Variants in EPB41L4B observed in about 807,000 individuals in gnomAD.
The protein encoded by EPB41L4B is band 4.1-like protein 4B.
EPB41L4B carries 30 observed loss-of-function variants against 112.5 expected under a neutral mutation model. That is an observed-to-expected ratio of 0.27 (90% confidence interval 0.20 to 0.36). EPB41L4B has a LOEUF of 0.36. Ranked by LOEUF, EPB41L4B falls within the 10% of genes least tolerant of loss-of-function variation. The pLI is 1.00. For synonymous variants in EPB41L4B, 408 were observed against 439.7 expected, an observed-to-expected ratio of 0.93 and a Z score of 0.90; for missense variants, 1,024 against 1,133.3, an observed-to-expected ratio of 0.90 and a Z score of 1.38.
intron 15 of EPB41L4B, among the ~76,000 whole-genome samples, chr9:109,226,711 GAATA>G (rs1192341126): frequency 1.5e-5 from 2 of 130,844 alleles, no homozygotes; most frequent in East Asian, 2.2e-4. Context: ...TATATATGAA[GAATA>G]TATATATGAA....
At chr9:109,177,212 T>C (rs1367191585) in intron 24 of EPB41L4B, among the ~76,000 whole-genome samples, 1 of 152,154 alleles carries the variant, frequency 6.6e-6, no homozygotes. Flanking sequence ...CTGGGGTTTT[T>C]CATTACTGTA....
intron 1 of EPB41L4B, among the ~76,000 whole-genome samples, chr9:109,284,507 G>T (rs1366095517): frequency 6.6e-6 from 1 of 152,088 alleles, no homozygotes; most frequent in Admixed American, 6.5e-5. Flanking sequence ...TGAACTCCTG[G>T]GCTCAAAGGA....
chr9:109,222,121 A>T (rs976146508), intron 15 of EPB41L4B, among the ~76,000 whole-genome samples: 9 of 152,204 alleles, frequency 5.9e-5, no homozygotes, highest in Non-Finnish European at 1.3e-4. Context: ...AAAGATATAT[A>T]TGCAGGGAGT....
Position 109,226,513 on chromosome 9 carries a change from G to A in EPB41L4B, c.1410-9368C>T, listed in dbSNP as rs75322304. ...TCAGCCCTTGTATAACCAATTCCCT[G>A]AATTAAATTCCCTCTGTAAGAAATG... is the stretch of plus-strand genomic sequence containing the variant. On this transcript the variant is annotated intron_variant, in intron 15 of 25. Coordinates refer to ENST00000374566, the MANE Select transcript of EPB41L4B (RefSeq NM_019114.5). Among the ~76,000 whole-genome samples the A allele has an allele frequency of 2.5e-3, 371 of 150,952 alleles. 4 individuals are homozygous for A. The East Asian group carries it at 0.026, about 11-fold the overall frequency.
chr9:109,247,232 G>T (rs1002925242), intron 14 of EPB41L4B, among the ~76,000 whole-genome samples: 3 of 149,382 alleles, frequency 2.0e-5, no homozygotes, highest in Non-Finnish European at 3.0e-5. Context: ...CAAATAATTT[G>T]GGGAAACAAT....
At chr9:109,249,636 T>C (rs892464971) in intron 13 of EPB41L4B, among the ~76,000 whole-genome samples, 16 of 151,696 alleles carry the variant, frequency 1.1e-4, no homozygotes, top group Admixed American at 2.6e-4. Context: ...AGTAAAGAAA[T>C]TGGGGCTGTA....
At chr9:109,241,493 A>G (rs1834351564) in intron 15 of EPB41L4B, 1 of 1,399,702 alleles carries the variant, frequency 7.1e-7, no homozygotes, top group Non-Finnish European at 9.3e-7. Flanking sequence ...AAATTATGAC[A>G]AGCTATAGTG....
At chr9:109,207,703 G>A (rs1163801222) in intron 18 of EPB41L4B, among the ~76,000 whole-genome samples, 2 of 152,180 alleles carry the variant, frequency 1.3e-5, no homozygotes, top group East Asian at 3.8e-4. Context: ...TAACATTTGA[G>A]AACTGCTGCC....
At chr9:109,283,489 G>A (rs1183593066) in intron 1 of EPB41L4B, among the ~76,000 whole-genome samples, 1 of 152,178 alleles carries the variant, frequency 6.6e-6, no homozygotes, top group African/African-American at 2.4e-5. Flanking sequence ...CTGGAGGGAT[G>A]AGACGGCCTC....
intron 18 of EPB41L4B, among the ~76,000 whole-genome samples, chr9:109,203,941 T>C (rs1006590675): frequency 1.3e-5 from 2 of 152,208 alleles, no homozygotes; most frequent in African/African-American, 4.8e-5. Flanking sequence ...AGACAATCAT[T>C]CAGATGCAAT....
intron 14 of EPB41L4B, 58 bp downstream of exon 14, chr9:109,247,698 A>T (rs775676753): frequency 1.4e-5 from 18 of 1,245,370 alleles, no homozygotes; most frequent in South Asian, 6.3e-5. Context: ...ACCTTTTTTT[A>T]AATTTTATTT....
At chr9:109,287,675 C>A (rs779074694) in intron 1 of EPB41L4B, among the ~76,000 whole-genome samples, 3 of 152,076 alleles carry the variant, frequency 2.0e-5, no homozygotes, top group Non-Finnish European at 4.4e-5. Context: ...TTACTGTTAC[C>A]CCGGGTGGAT....
At position 109,194,315 on chromosome 9, in the gene EPB41L4B, T is replaced by C. The variant is rs1176141033; in HGVS notation, c.2128A>G (p.Thr710Ala). ...GACGGCAGCGGCACGGAGACTTGTG[T>C]GGCGGCCGTTGTGGTGTTTGTGGTT... ...STTTNTTTAA[T>A]QVSVPLPSPK... Residue 710 changes from threonine (T) to alanine (A), a missense_variant, in exon 21 of 26, where the codon ACA (threonine) becomes GCA (alanine). By Grantham distance (58) the Thr-to-Ala change is moderately conservative. Coordinates refer to ENST00000374566, the MANE Select transcript of EPB41L4B (RefSeq NM_019114.5). 6.2e-7 allele frequency: 1 copy of C among 1,614,180 alleles called. No individual in the cohort carries two copies. Among genetic ancestry groups the C allele is most frequent in the East Asian group, 2.2e-5 (1 of 44,884 alleles).
intron 15 of EPB41L4B, among the ~76,000 whole-genome samples, chr9:109,220,767 GTGTGTGTGAGCATA>G (rs1318371371): frequency 2.0e-5 from 3 of 151,734 alleles, no homozygotes; most frequent in Non-Finnish European, 4.4e-5. Flanking sequence ...GCGTGTGTTG[GTGTGTGTGAGCATA>G]TGTGTGTGTG....
At chr9:109,188,828 G>C (rs1832356925) in intron 22 of EPB41L4B, among the ~76,000 whole-genome samples, 1 of 152,130 alleles carries the variant, frequency 6.6e-6, no homozygotes, top group African/African-American at 2.4e-5. Context: ...TTTGCAGTTG[G>C]GTAAGTGGTT....
At chr9:109,244,141 T>C (rs942471972) in intron 14 of EPB41L4B, among the ~76,000 whole-genome samples, 1 of 152,208 alleles carries the variant, frequency 6.6e-6, no homozygotes, top group Admixed American at 6.5e-5. Flanking sequence ...AGACAAGGAC[T>C]GGACAGGGAT....
intron 22 of EPB41L4B, among the ~76,000 whole-genome samples, chr9:109,186,464 A>C (rs1832269292): frequency 6.7e-6 from 1 of 149,614 alleles, no homozygotes; most frequent in African/African-American, 2.5e-5. Context: ...TGGGATTACA[A>C]GTGTGAGCTA....
At chr9:109,250,707 C>T (rs1027648813) in intron 13 of EPB41L4B, among the ~76,000 whole-genome samples, 2 of 152,054 alleles carry the variant, frequency 1.3e-5, no homozygotes, top group South Asian at 4.2e-4. Flanking sequence ...GGTGTGGCTG[C>T]GGAGGATGTT....
intron 19 of EPB41L4B, among the ~76,000 whole-genome samples, chr9:109,202,871 G>C (rs773411235): frequency 6.6e-5 from 10 of 152,096 alleles, no homozygotes; most frequent in Non-Finnish European, 1.2e-4. Flanking sequence ...CAAAGAAAAA[G>C]TAGGCTAGGT....
Sources: allele counts gnomAD v4.1 joint callset (sites outside exome capture counted in the v4.1 genomes callset), GRCh38; gene constraint gnomAD v4.1.1; transcripts MANE v1.5; gene names NCBI Gene and HGNC (gene_info 2026-07-23, HGNC 2026-07-21).